The following DOCK2 variants were observed in gnomAD, a reference collection of about 807,000 sequenced individuals.
DOCK2 encodes the protein dedicator of cytokinesis 2, also known as dedicator of cytokinesis protein 2.
A neutral mutation model predicts 248.9 loss-of-function variants in DOCK2; 87 were observed. The observed-to-expected ratio is 0.35, with a 90% CI of 0.29 to 0.42. DOCK2 has a LOEUF of 0.42. DOCK2 is among the 10% of genes least tolerant of loss of function. The pLI, the probability that DOCK2 is intolerant of heterozygous loss-of-function variation, is 1.00. For synonymous variants in DOCK2, 805 were observed against 821.6 expected (o/e 0.98, Z 0.35); for missense variants, 1,747 against 2,300.2 (o/e 0.76, Z 4.92).
chr5:169,674,633 T>G (rs1425108513), intron 6 of DOCK2, among the ~76,000 whole-genome samples, 188 bp downstream of exon 6: 1 of 152,152 alleles, frequency 6.6e-6, no homozygotes, highest in Non-Finnish European at 1.5e-5. Flanking sequence ...GACATGCAGG[T>G]GGAGAGAAGG....
Position 170,066,037 on chromosome 5 carries a change from C to T in DOCK2, c.4468-1473C>T, listed in dbSNP as rs781779509. On this transcript the variant is annotated intron_variant, in intron 44 of 51. Transcript: ENST00000520908. ...CGCGAACTCAGCTCACTGCAAGCTC[C>T]GCCTCCTGGGCTCATGCCATTCTCC... Among the ~76,000 whole-genome samples, 216 of 150,864 alleles carry T rather than the reference C, an allele frequency of 1.4e-3. 1 individual carries two copies. Among genetic ancestry groups the T allele is most frequent in the Non-Finnish European group, 2.0e-3 (134 of 67,816 alleles).
At chr5:170,029,319 C>T (rs1052717671) in intron 34 of DOCK2, among the ~76,000 whole-genome samples, 10 of 152,146 alleles carry the variant, frequency 6.6e-5, no homozygotes, top group African/African-American at 1.9e-4. Context: ...TGCATTTCCG[C>T]GATGTGTAGA....
chr5:169,869,412 G>A (rs1447141534), intron 27 of DOCK2, among the ~76,000 whole-genome samples: 3 of 152,226 alleles, frequency 2.0e-5, no homozygotes, highest in African/African-American at 7.2e-5. Flanking sequence ...AAGTGTGTGT[G>A]CTTCGGAAAG....
chr5:169,784,301 A>AT (rs1270573037), intron 25 of DOCK2, among the ~76,000 whole-genome samples: 4 of 152,184 alleles, frequency 2.6e-5, no homozygotes, highest in Non-Finnish European at 5.9e-5. Context: ...ATGTTTAATG[A>AT]TTTCACAAAA....
chr5:169,903,535 G>A (rs934940214), intron 27 of DOCK2, among the ~76,000 whole-genome samples: 20 of 151,086 alleles, frequency 1.3e-4, no homozygotes, highest in Non-Finnish European at 2.7e-4. Flanking sequence ...GGGCCGGGGG[G>A]CAGGGGGCGT....
intron 2 of DOCK2, among the ~76,000 whole-genome samples, chr5:169,655,682 A>G (rs902460531): frequency 5.9e-5 from 9 of 152,202 alleles, no homozygotes; most frequent in Non-Finnish European, 2.9e-5. Context: ...GTGTAAACAC[A>G]TACACACACA....
chr5:170,080,463 G>C, intron 50 of DOCK2, 180 bp downstream of exon 50: 1 of 940,010 alleles, frequency 1.1e-6, no homozygotes, highest in Non-Finnish European at 1.5e-6. Flanking sequence ...CACTTCCTGG[G>C]GGTGACACCA....
intron 26 of DOCK2, among the ~76,000 whole-genome samples, chr5:169,810,769 A>G (rs1422264131): frequency 6.6e-6 from 1 of 152,120 alleles, no homozygotes; most frequent in Non-Finnish European, 1.5e-5. Context: ...AAGCGACTCC[A>G]TCTTGGTTTG....
intron 32 of DOCK2, among the ~76,000 whole-genome samples, chr5:170,010,991 T>C (rs1486428255): frequency 1.3e-5 from 2 of 152,238 alleles, no homozygotes; most frequent in Admixed American, 1.3e-4. Context: ...TGAAAAGATG[T>C]TACCAAATAT....
intron 2 of DOCK2, among the ~76,000 whole-genome samples, chr5:169,658,501 A>AAAAAG (rs1758253934): frequency 6.7e-6 from 1 of 150,038 alleles, no homozygotes; most frequent in Non-Finnish European, 1.5e-5. Context: ...AAAAAAAAAA[A>AAAAAG]TGTATTTATA....
intron 1 of DOCK2, among the ~76,000 whole-genome samples, chr5:169,638,112 T>C (rs1381794456): frequency 1.3e-5 from 2 of 152,206 alleles, no homozygotes; most frequent in Non-Finnish European, 2.9e-5. Context: ...ATGGACTCAC[T>C]GTGGTTTTTA....
At chr5:170,024,814 C>G (rs947226339) in intron 33 of DOCK2, among the ~76,000 whole-genome samples, 1 of 152,128 alleles carries the variant, frequency 6.6e-6, no homozygotes. Flanking sequence ...CTGACTGAGA[C>G]CTTACCCCTC....
chr5:169,820,091 T>C (rs1345132011), intron 26 of DOCK2, among the ~76,000 whole-genome samples: 1 of 152,160 alleles, frequency 6.6e-6, no homozygotes, highest in African/African-American at 2.4e-5. Flanking sequence ...CCGCCATAGC[T>C]GAGGCTTGAG....
intron 25 of DOCK2, among the ~76,000 whole-genome samples, chr5:169,800,484 GC>G (rs1436118538): frequency 6.6e-6 from 1 of 152,166 alleles, no homozygotes; most frequent in Non-Finnish European, 1.5e-5. Flanking sequence ...TATTAGTTCA[GC>G]TCTCATGGAG....
chr5:170,027,818 C>T, intron 33 of DOCK2, 45 bp from the exon 34 acceptor site: 1 of 1,566,128 alleles, frequency 6.4e-7, no homozygotes, highest in South Asian at 1.2e-5. Context: ...TTTCAGCCCT[C>T]AGCCTTCTGA....
At chr5:169,637,980 G>C (rs1464888275) in intron 1 of DOCK2, among the ~76,000 whole-genome samples, 3 of 152,082 alleles carry the variant, frequency 2.0e-5, no homozygotes, top group South Asian at 2.1e-4. Context: ...AGCTAGCTTC[G>C]TCAGCCTCAG....
chr5:169,915,303 C>G (rs1391644584), intron 27 of DOCK2, among the ~76,000 whole-genome samples: 2 of 152,078 alleles, frequency 1.3e-5, no homozygotes, highest in Non-Finnish European at 2.9e-5. Flanking sequence ...GTTTTTGGTA[C>G]TTTGAAAATC....
At chr5:169,781,928 C>A (rs1254963643) in intron 25 of DOCK2, among the ~76,000 whole-genome samples, 1 of 152,108 alleles carries the variant, frequency 6.6e-6, no homozygotes. Context: ...TTGCCAGAAC[C>A]CCCGTCTGCA....
intron 35 of DOCK2, 60 bp from the exon 36 acceptor site, chr5:170,036,455 C>G (rs1756326028): frequency 1.3e-6 from 2 of 1,550,966 alleles, no homozygotes; most frequent in Admixed American, 1.7e-5. Flanking sequence ...TCACCACACC[C>G]TTGACCGCTG....
Sources: allele counts gnomAD v4.1 joint callset (sites outside exome capture counted in the v4.1 genomes callset), GRCh38; gene constraint gnomAD v4.1.1; transcripts MANE v1.5; gene names NCBI Gene and HGNC (gene_info 2026-07-23, HGNC 2026-07-21).